LINS1: variants seen among roughly 807,000 people sequenced by gnomAD.
LINS1 encodes the protein lines homolog 1.
LINS1 carries 27 observed loss-of-function variants against 41.6 expected under a neutral mutation model. That is an observed-to-expected ratio of 0.65 (90% CI 0.48 to 0.89). The LOEUF (loss-of-function observed/expected upper bound fraction) is 0.89. Ranked by LOEUF, LINS1 falls within the 40% of genes least tolerant of loss-of-function variation. The probability of loss-of-function intolerance (pLI) is 0.00; values close to 1 mark genes in which losing one functional copy is unlikely to be tolerated. For synonymous variants in LINS1, 336 were observed against 312.9 expected, an observed-to-expected ratio of 1.07 and a Z score of -0.78; for missense variants, 955 against 884.1, an observed-to-expected ratio of 1.08 and a Z score of -1.02.
rs546522109 is a variant in LINS1 at position 100,577,426 on chromosome 15, G to A, written c.490-2298C>T. The stretch of plus-strand genomic sequence containing the variant: ...CATGAGTGAACTCCCATTCACAATT[G>A]CTTCAAAGAGAATAAAATACCTAGG... On this transcript the variant is annotated intron_variant, in intron 3 of 6. Transcript: ENST00000314742. Among the ~76,000 whole-genome samples the A allele has an allele frequency of 2.6e-5, 4 of 152,236 alleles. No homozygotes were observed. In the South Asian group the frequency reaches 8.3e-4, roughly 32 times the overall value.
intron 1 of LINS1, 34 bp from the exon 2 acceptor site, chr15:100,580,979 T>C: frequency 4.1e-6 from 3 of 736,394 alleles, no homozygotes; most frequent in Non-Finnish European, 4.4e-6. Context: ...AAATTCTAAC[T>C]GCTATATGCT....
intron 1 of LINS1, among the ~76,000 whole-genome samples, chr15:100,588,267 T>G (rs559556437): frequency 7.2e-5 from 11 of 152,360 alleles, no homozygotes; most frequent in Admixed American, 3.3e-4. Context: ...GAGCTTGACC[T>G]TGTAACTATG....
At position 100,575,021 on chromosome 15, in the gene LINS1, T is replaced by C. The variant is rs1266278886; in HGVS notation, c.597A>G (p.Lys199=). 1 of 1,613,068 alleles carries C rather than the reference T, an allele frequency of 6.2e-7. No homozygotes were observed. The highest frequency in any genetic ancestry group is 8.5e-7 in the Non-Finnish European group (1 of 1,179,612). ...GTGAACATGAATCTTTAAAGATTTCTTTTATTATTGCTGTAAGAGTCCAGA... is the reference window on the plus strand; with the variant it reads ...GTGAACATGAATCTTTAAAGATTTCCTTTATTATTGCTGTAAGAGTCCAGA... The part of the protein sequence containing the change: ...YCLWTLTAII[K]EIFKDSCSQK... Residue 199 remains lysine, a synonymous_variant, in exon 4 of 7, where the codon AAA becomes AAG. Coordinates refer to ENST00000314742, the MANE Select transcript of LINS1 (RefSeq NM_001040616.3).
At chr15:100,584,008 A>C (rs577372669) in intron 1 of LINS1, among the ~76,000 whole-genome samples, 1 of 151,684 alleles carries the variant, frequency 6.6e-6, no homozygotes, top group South Asian at 2.1e-4. Flanking sequence ...AATTATTTTT[A>C]TTTATTATCC....
rs1380111530 is a variant in LINS1, at chr15:100,569,490, G to A, written c.2022C>T (p.Ser674=). The change falls in exon 7 of 7, where the codon AGC becomes AGT. Residue 674 remains serine (S), a synonymous_variant. Transcript: ENST00000314742. ...AGTSRDKKEF[S]LEPPSRPLVL... ...CCAGAGGCCTTGATGGAGGCTCAAG[G>A]CTAAATTCTTTTTTATCCCTGCTTG... 1 of 1,614,202 alleles carries A rather than the reference G, an allele frequency of 6.2e-7. No individual in the cohort carries two copies. Among genetic ancestry groups the A allele is most frequent in the Non-Finnish European group, 8.5e-7 (1 of 1,180,036 alleles).
intron 3 of LINS1, among the ~76,000 whole-genome samples, chr15:100,579,314 A>G (rs1201265976): frequency 1.3e-5 from 2 of 151,930 alleles, no homozygotes; most frequent in African/African-American, 4.8e-5. Flanking sequence ...GACTATAACA[A>G]TTCAGATTAC....
At chr15:100,570,983 A>G (rs1480173273) in intron 6 of LINS1, among the ~76,000 whole-genome samples, 1 of 152,216 alleles carries the variant, frequency 6.6e-6, no homozygotes, top group Non-Finnish European at 1.5e-5. Context: ...GTAAGGAGCT[A>G]ACTTTGAGTA....
At chr15:100,594,009 T>C (rs975573873) in intron 1 of LINS1, among the ~76,000 whole-genome samples, 9 of 152,180 alleles carry the variant, frequency 5.9e-5, no homozygotes, top group East Asian at 1.9e-4. Context: ...CTGTGGGGGA[T>C]TGGTTCCAAA....
intron 1 of LINS1, among the ~76,000 whole-genome samples, chr15:100,587,043 C>T (rs183060475): frequency 1.3e-5 from 2 of 151,770 alleles, no homozygotes; most frequent in East Asian, 3.9e-4. Flanking sequence ...CCTGTACTCC[C>T]AGCCACTTGG....
intron 3 of LINS1, among the ~76,000 whole-genome samples, chr15:100,578,532 C>T (rs914511432): frequency 1.1e-4 from 17 of 152,094 alleles, no homozygotes; most frequent in African/African-American, 3.9e-4. Flanking sequence ...ACAACAGGTG[C>T]TGGAGAGGAT....
At position 100,580,247 on chromosome 15, in the gene LINS1, T is replaced by C. The variant is rs762130903; in HGVS notation, c.489+16A>G. 6 of 1,533,844 alleles carry C rather than the reference T, an allele frequency of 3.9e-6. No homozygotes were observed. In the East Asian group the frequency reaches 1.4e-4, roughly 35 times the overall value. On this transcript the variant is annotated intron_variant, in intron 3 of 6. Coordinates refer to ENST00000314742, the MANE Select transcript of LINS1 (RefSeq NM_001040616.3). ...AAGAAAGAGAAATAATAACATACTT[T>C]GATTACTTATCTTACCTTTTCTCTC...
At chr15:100,574,856 A>G in intron 4 of LINS1, 131 bp downstream of exon 4, 1 of 964,836 alleles carries the variant, frequency 1.0e-6, no homozygotes, top group Non-Finnish European at 1.6e-6. Flanking sequence ...ATCAAAATAT[A>G]TTGGAAGAGA....
chr15:100,569,140 A>G lies in LINS1; in HGVS notation c.*98T>C. The G allele has an allele frequency of 1.2e-6, 1 of 808,700 alleles. No homozygotes were observed. The highest frequency in any genetic ancestry group is 2.7e-5 in the East Asian group (1 of 37,690). 50.1% of individuals were successfully genotyped at this position (808,700 alleles called of 1,614,324 possible). On this transcript the variant is annotated 3_prime_UTR_variant, in exon 7 of 7. Coordinates refer to ENST00000314742, the MANE Select transcript of LINS1 (RefSeq NM_001040616.3). ...TCTGTCTCAAAAAAAAAAAAAAAAA[A>G]GAAAACCCTTTTATGGTGATGATTT...
At chr15:100,594,494 G>A (rs374741844) in intron 1 of LINS1, among the ~76,000 whole-genome samples, 2 of 152,154 alleles carry the variant, frequency 1.3e-5, no homozygotes, top group African/African-American at 2.4e-5. Context: ...CTCAGGATCC[G>A]TGGGAGATTT....
At chr15:100,581,092 A>G in intron 1 of LINS1, 147 bp from the exon 2 acceptor site, 2 of 451,186 alleles carry the variant, frequency 4.4e-6, no homozygotes, top group Non-Finnish European at 4.0e-6. Flanking sequence ...TAACAGGAAC[A>G]TTATTTCAAG....
At chr15:100,587,906 G>A (rs2038878297) in intron 1 of LINS1, among the ~76,000 whole-genome samples, 1 of 152,188 alleles carries the variant, frequency 6.6e-6, no homozygotes. Context: ...GTGTTTGTTT[G>A]CATTACAGTT....
chr15:100,579,746 T>C (rs1187750658), intron 3 of LINS1, among the ~76,000 whole-genome samples: 3 of 152,356 alleles, frequency 2.0e-5, no homozygotes, highest in South Asian at 2.1e-4. Flanking sequence ...CTGAGGACTG[T>C]TGTTAGAATT....
chr15:100,570,383 C>T, intron 6 of LINS1: 1 of 344,406 alleles, frequency 2.9e-6, no homozygotes, highest in Non-Finnish European at 5.4e-6. Flanking sequence ...CTCTCGACAT[C>T]AGAACTCCTC....
At chr15:100,571,723 C>T (rs377472635) in intron 6 of LINS1, among the ~76,000 whole-genome samples, 171 bp downstream of exon 6, 36 of 152,144 alleles carry the variant, frequency 2.4e-4, no homozygotes, top group African/African-American at 4.1e-4. Context: ...GTTTTCCTAG[C>T]GATACAAATG....
Sources: gnomAD v4.1 joint callset for allele counts (sites outside exome capture counted in the v4.1 genomes callset) on GRCh38, gnomAD v4.1.1 for gene constraint, MANE v1.5 for transcripts, NCBI Gene and HGNC (gene_info 2026-07-23, HGNC 2026-07-21) for gene names.